The following FSD1L variants were observed in gnomAD, a reference collection of about 807,000 sequenced individuals.
FSD1L encodes the protein fibronectin type III and SPRY domain containing 1 like.
In FSD1L, 45 loss-of-function variants were observed where a neutral mutation model predicts 71.6. The observed-to-expected ratio is 0.63, with a 90% CI of 0.49 to 0.81. The LOEUF (loss-of-function observed/expected upper bound fraction) is 0.81. Ranked by LOEUF, FSD1L falls within the 30% of genes least tolerant of loss-of-function variation. The pLI, the probability that FSD1L is intolerant of heterozygous loss-of-function variation, is 0.00. For missense variants in FSD1L, 561 were observed against 618.1 expected (o/e 0.91, Z 0.98); for synonymous variants, 197 against 207.2 (o/e 0.95, Z 0.42).
At chr9:105,501,679 T>C (rs952660080) in intron 7 of FSD1L, among the ~76,000 whole-genome samples, 1 of 151,564 alleles carries the variant, frequency 6.6e-6, no homozygotes, top group Non-Finnish European at 1.5e-5. Flanking sequence ...AGCCATCCTC[T>C]AGCCATAGTC....
In FSD1L at chr9:105,485,533, G is replaced by GGTT. The variant is rs1554705301; in HGVS notation, c.586+1031_586+1032insGTT. Among the ~76,000 whole-genome samples the GGTT allele has an allele frequency of 3.1e-3, 245 of 79,388 alleles. 2 individuals are homozygous for GGTT. The highest frequency in any genetic ancestry group is 0.013 in the Middle Eastern group (1 of 78). The allele number at this position is 79,388 out of a possible 152,430, so 52.1% of individuals were successfully genotyped here. A position where few individuals can be genotyped will look rare whatever the true frequency, so the allele number is the denominator to read the frequency against. ...TGACTTAACAACCTTTTGGTTAGGT[G>GGTT]TTTTTTTTTTTTTTTTTTTTTTTGC... On this transcript the variant is annotated intron_variant, in intron 7 of 13. Transcript: ENST00000481272.
chr9:105,545,912 C>G (rs1836969503), intron 13 of FSD1L, among the ~76,000 whole-genome samples: 1 of 151,870 alleles, frequency 6.6e-6, no homozygotes, highest in Admixed American at 6.6e-5. Flanking sequence ...AGGAAGAAAA[C>G]AGTGGATTTT....
chr9:105,449,854 A>T (rs1333069633), intron 1 of FSD1L, among the ~76,000 whole-genome samples: 3 of 152,304 alleles, frequency 2.0e-5, no homozygotes, highest in African/African-American at 7.2e-5. Context: ...ATTTCGAATG[A>T]TGTGTTAGGG....
intron 9 of FSD1L, among the ~76,000 whole-genome samples, chr9:105,511,707 A>G (rs1296681549): frequency 6.6e-6 from 1 of 152,150 alleles, no homozygotes. Flanking sequence ...GCTCCAATGC[A>G]TAGTTGAAAT....
At chr9:105,544,849 G>A (rs1322257241) in intron 13 of FSD1L, among the ~76,000 whole-genome samples, 3 of 152,176 alleles carry the variant, frequency 2.0e-5, no homozygotes, top group Non-Finnish European at 4.4e-5. Flanking sequence ...ATAGTTTGAA[G>A]TCAGGTAGCG....
At chr9:105,519,147 T>C (rs1307290077) in intron 10 of FSD1L, among the ~76,000 whole-genome samples, 1 of 152,112 alleles carries the variant, frequency 6.6e-6, no homozygotes, top group African/African-American at 2.4e-5. Flanking sequence ...AATTCTGAAA[T>C]TGAGGCAGTA....
At chr9:105,500,141 T>G (rs1039000153) in intron 7 of FSD1L, among the ~76,000 whole-genome samples, 2 of 152,270 alleles carry the variant, frequency 1.3e-5, no homozygotes, top group African/African-American at 4.8e-5. Flanking sequence ...ATATTATAGC[T>G]GTTTTTAATT....
At position 105,551,507 on chromosome 9, in the gene FSD1L, T is replaced by C. The variant is rs1589130002; in HGVS notation, c.*5024T>C. 1.3e-5 allele frequency: 2 copies of C among 152,302 alleles called. No individual in the cohort carries two copies. The highest frequency in any genetic ancestry group is 3.4e-3 in the Middle Eastern group (1 of 294). The allele number at this position is 152,302 out of a possible 1,614,324, so 9.4% of individuals were successfully genotyped here. A position where few individuals can be genotyped will look rare whatever the true frequency, so the allele number is the denominator to read the frequency against. ...AATTGCTTCAGCAACAGCAAAGTGC[T>C]ACGTAAATGTAAAGTGTTGTTTTTA... On this transcript the variant is annotated 3_prime_UTR_variant, in exon 14 of 14. Transcript: ENST00000481272.
chr9:105,526,360 A>T, intron 10 of FSD1L: 1 of 1,612,670 alleles, frequency 6.2e-7, no homozygotes, highest in Non-Finnish European at 8.5e-7. Context: ...CGATCATTAA[A>T]TATCAGTTCT....
In FSD1L at chr9:105,491,929, A is replaced by G. The variant is rs1054453321; in HGVS notation, c.586+7427A>G. On this transcript the variant is annotated intron_variant, in intron 7 of 13. Transcript: ENST00000481272. The stretch of plus-strand genomic sequence containing the variant: ...TATCTTATTGAGGATTTTTGCATCA[A>G]TGTTCATCAAGGATATTGGTCTAAA... 2.6e-5 allele frequency among the ~76,000 whole-genome samples: 4 copies of G among 152,162 alleles called. No homozygotes were observed. The South Asian group carries it at 8.3e-4, about 31-fold the overall frequency.
chr9:105,521,389 G>T (rs951092378), intron 10 of FSD1L: 14 of 1,614,046 alleles, frequency 8.7e-6, no homozygotes, highest in Non-Finnish European at 1.0e-5. Context: ...CGAGAACCTA[G>T]CTCATCTAGT....
At chr9:105,452,119 A>G (rs751849022) in intron 1 of FSD1L, among the ~76,000 whole-genome samples, 1 of 112,642 alleles carries the variant, frequency 8.9e-6, no homozygotes, top group Non-Finnish European at 2.0e-5. Flanking sequence ...AAACATGACA[A>G]CCTGCAACAA....
intron 13 of FSD1L, among the ~76,000 whole-genome samples, chr9:105,543,890 C>G (rs1836799831): frequency 1.3e-5 from 2 of 152,204 alleles, no homozygotes; most frequent in Non-Finnish European, 2.9e-5. Flanking sequence ...CCGCAATAAA[C>G]ATACATGTGC....
chr9:105,520,560 A>C, intron 10 of FSD1L: 1 of 1,298,216 alleles, frequency 7.7e-7, no homozygotes, highest in Non-Finnish European at 1.1e-6. Flanking sequence ...TTCATCAGCC[A>C]TGGCAGTTTC....
chr9:105,464,463 G>A, intron 3 of FSD1L, 132 bp downstream of exon 3: 1 of 472,122 alleles, frequency 2.1e-6, no homozygotes, highest in Non-Finnish European at 3.8e-6. Context: ...AGCAGATAAA[G>A]TAAAAATGTT....
chr9:105,516,473 G>C (rs1372331509), intron 10 of FSD1L, among the ~76,000 whole-genome samples: 1 of 152,160 alleles, frequency 6.6e-6, no homozygotes, highest in African/African-American at 2.4e-5. Flanking sequence ...GCCCCTCTGG[G>C]ACGAAGCTTC....
chr9:105,521,312 T>C (rs1835135977), intron 10 of FSD1L: 2 of 1,614,190 alleles, frequency 1.2e-6, no homozygotes, highest in Non-Finnish European at 1.7e-6. Context: ...AAAATGATAA[T>C]GCTGATAAAG....
chr9:105,476,635 T>C (rs900490556), intron 5 of FSD1L, among the ~76,000 whole-genome samples: 2 of 152,216 alleles, frequency 1.3e-5, no homozygotes, highest in Non-Finnish European at 2.9e-5. Flanking sequence ...CATCACTCTT[T>C]AGATCTTCTA....
rs116234001 is a variant in FSD1L at position 105,461,989 on chromosome 9, T to C, written c.111+374T>C. On this transcript the variant is annotated intron_variant, in intron 2 of 13. Transcript: ENST00000481272. ...AAAAAAAGGCTTCTCATTAAAATCT[T>C]GGGAGCTCAGGTCTTATCTAGTTGG... 7.8e-3 allele frequency among the ~76,000 whole-genome samples: 1,189 copies of C among 152,028 alleles called. 18 individuals are homozygous for C. The highest frequency in any genetic ancestry group is 0.027 in the African/African-American group (1,111 of 41,478).
Sources: allele counts gnomAD v4.1 joint callset (sites outside exome capture counted in the v4.1 genomes callset), GRCh38; gene constraint gnomAD v4.1.1; transcripts MANE v1.5; gene names NCBI Gene and HGNC (gene_info 2026-07-23, HGNC 2026-07-21).